CELF4: variants seen among roughly 807,000 people sequenced by gnomAD.
CELF4 encodes CUGBP Elav-like family member 4, also known as CUG-BP- and ETR-3-like factor 4.
A neutral mutation model predicts 59.9 loss-of-function variants in CELF4; 18 were observed. That is an observed-to-expected ratio of 0.30 (90% CI 0.21 to 0.45). The LOEUF (loss-of-function observed/expected upper bound fraction) is 0.45, where lower values mean the gene tolerates loss of function less well. Among genes scored for constraint, CELF4 ranks in the 20% least tolerant of loss-of-function variants. CELF4 has a pLI of 1.00. For synonymous variants in CELF4, 261 were observed against 267.1 expected (o/e 0.98, Z 0.22); for missense variants, 456 against 689.0 (o/e 0.66, Z 3.79).
chr18:37,537,914 T>C (rs1349135618), intron 1 of CELF4, among the ~76,000 whole-genome samples: 2 of 152,218 alleles, frequency 1.3e-5, no homozygotes, highest in African/African-American at 4.8e-5. Flanking sequence ...CCCGACCTGG[T>C]GTCCCATCAT....
At chr18:37,265,538 G>A (rs900075067) in intron 9 of CELF4, among the ~76,000 whole-genome samples, 1 of 152,192 alleles carries the variant, frequency 6.6e-6, no homozygotes, top group Admixed American at 6.5e-5. Flanking sequence ...CCTGAGGTGT[G>A]GACTTGGCCT....
intron 10 of CELF4, among the ~76,000 whole-genome samples, chr18:37,259,499 C>T (rs1366389230): frequency 6.6e-6 from 1 of 152,206 alleles, no homozygotes; most frequent in Non-Finnish European, 1.5e-5. Flanking sequence ...CCTCTCTGTG[C>T]CTCAGTTGCC....
At chr18:37,560,796 G>GA (rs561716637) in intron 1 of CELF4, among the ~76,000 whole-genome samples, 1 of 152,100 alleles carries the variant, frequency 6.6e-6, no homozygotes, top group Non-Finnish European at 1.5e-5. Context: ...TCTACAGCAG[G>GA]AAAAAAACAC....
intron 2 of CELF4, among the ~76,000 whole-genome samples, chr18:37,463,659 G>T (rs1374786446): frequency 1.3e-5 from 2 of 152,048 alleles, no homozygotes; most frequent in Admixed American, 1.3e-4. Context: ...TCACCCAGTT[G>T]GGCCTGAGAT....
intron 3 of CELF4, among the ~76,000 whole-genome samples, chr18:37,283,837 G>C (rs1054633666): frequency 1.7e-4 from 23 of 134,566 alleles, no homozygotes; most frequent in Admixed American, 1.2e-3. Flanking sequence ...GGCAAGGGGT[G>C]GGCACTGCGG....
At chr18:37,441,934 G>A (rs970809459) in intron 2 of CELF4, among the ~76,000 whole-genome samples, 20 of 151,506 alleles carry the variant, frequency 1.3e-4, no homozygotes, top group Admixed American at 9.2e-4. Context: ...CACCGAAACC[G>A]CAAAGACCCT....
intron 8 of CELF4, among the ~76,000 whole-genome samples, chr18:37,267,679 A>C (rs933427590): frequency 6.6e-6 from 1 of 152,160 alleles, no homozygotes; most frequent in Non-Finnish European, 1.5e-5. Flanking sequence ...TAGTCTAGGG[A>C]GAGTGCCTCA....
rs143252735 is a variant in CELF4, at chr18:37,423,933, A to T, written c.369+61592T>A. ...CTGTACACCATGCCATCTCTTCCTC[A>T]TCTCTGAGTTTCTTCCTTATCCACC... On this transcript the variant is annotated intron_variant, in intron 2 of 12. Coordinates refer to ENST00000420428, the MANE Select transcript of CELF4 (RefSeq NM_020180.4). 5.0e-3 allele frequency among the ~76,000 whole-genome samples: 762 copies of T among 151,712 alleles called. 3 individuals carry two copies. Among genetic ancestry groups the T allele is most frequent in the Non-Finnish European group, 9.0e-3 (613 of 67,916 alleles).
chr18:37,451,340 T>C (rs1203299943), intron 2 of CELF4, among the ~76,000 whole-genome samples: 1 of 152,032 alleles, frequency 6.6e-6, no homozygotes, highest in African/African-American at 2.4e-5. Flanking sequence ...ACGTGTGTGC[T>C]TCTGTGTGTC....
chr18:37,549,626 T>C (rs2154605791), intron 1 of CELF4, among the ~76,000 whole-genome samples: 1 of 152,304 alleles, frequency 6.6e-6, no homozygotes, highest in South Asian at 2.1e-4. Context: ...AAAAAAGGTA[T>C]CAACTGTACC....
At position 37,430,896 on chromosome 18, in the gene CELF4, G is replaced by A. The variant is rs2099645550; in HGVS notation, c.369+54629C>T. Among the ~76,000 whole-genome samples, 4 of 152,208 alleles carry A rather than the reference G, an allele frequency of 2.6e-5. 1 individual carries two copies. The South Asian group carries it at 8.3e-4, about 32-fold the overall frequency. On this transcript the variant is annotated intron_variant, in intron 2 of 12. Coordinates refer to ENST00000420428, the MANE Select transcript of CELF4 (RefSeq NM_020180.4). Reference sequence around the variant, plus strand: ...CACTTGGTCTGGAGGTGGCGCTGGTGCTTTTTATAGCTGTAGGTGTCTCTG... The same window carrying A: ...CACTTGGTCTGGAGGTGGCGCTGGTACTTTTTATAGCTGTAGGTGTCTCTG...
At chr18:37,561,611 T>A (rs991182793) in intron 1 of CELF4, among the ~76,000 whole-genome samples, 1 of 152,182 alleles carries the variant, frequency 6.6e-6, no homozygotes, top group Non-Finnish European at 1.5e-5. Flanking sequence ...TTTATGTGAG[T>A]GTTAACAAGC....
At chr18:37,411,750 G>GCT (rs2099461750) in intron 2 of CELF4, among the ~76,000 whole-genome samples, 3 of 152,346 alleles carry the variant, frequency 2.0e-5, no homozygotes, top group Admixed American at 6.5e-5. Flanking sequence ...TTATCGAGAA[G>GCT]GGCAGTGGCA....
At chr18:37,267,955 T>C (rs1286009279) in intron 8 of CELF4, among the ~76,000 whole-genome samples, 1 of 152,148 alleles carries the variant, frequency 6.6e-6, no homozygotes, top group Non-Finnish European at 1.5e-5. Context: ...GAGAATCACT[T>C]GAACCCGGGA....
chr18:37,275,025 C>T (rs994811680), intron 4 of CELF4, 90 bp downstream of exon 4: 2 of 1,548,994 alleles, frequency 1.3e-6, no homozygotes, highest in African/African-American at 2.7e-5. Flanking sequence ...AGACAGACGG[C>T]GATGGCCCCG....
chr18:37,553,866 A>G (rs766391328), intron 1 of CELF4, among the ~76,000 whole-genome samples: 2 of 152,186 alleles, frequency 1.3e-5, no homozygotes, highest in Non-Finnish European at 2.9e-5. Context: ...TGGGCACTTC[A>G]GACTGGGGCC....
At position 37,372,181 on chromosome 18, in the gene CELF4, C is replaced by T. The variant is rs555639992; in HGVS notation, c.370-50300G>A. ...ATGCTCCTATAAAGACACGTGCACACGTATGTTTATTGCGGCACTATTCAC... is the reference window on the plus strand; with the variant it reads ...ATGCTCCTATAAAGACACGTGCACATGTATGTTTATTGCGGCACTATTCAC... On this transcript the variant is annotated intron_variant, in intron 2 of 12. Transcript: ENST00000420428. Among the ~76,000 whole-genome samples the T allele has an allele frequency of 1.3e-4, 20 of 152,252 alleles. No individual in the cohort carries two copies. In the East Asian group the frequency reaches 2.3e-3, roughly 18 times the overall value.
At chr18:37,379,507 C>CAAAAAAAAAAAAA (rs56250210) in intron 2 of CELF4, among the ~76,000 whole-genome samples, 6 of 45,712 alleles carry the variant, frequency 1.3e-4, no homozygotes, top group African/African-American at 4.7e-4. Context: ...AGGCCATAAG[C>CAAAAAAAAAAAAA]AAAAAAAAAA....
intron 2 of CELF4, among the ~76,000 whole-genome samples, chr18:37,364,273 T>C (rs994804830): frequency 5.3e-5 from 8 of 152,172 alleles, no homozygotes; most frequent in Non-Finnish European, 5.9e-5. Flanking sequence ...TTTACAGACA[T>C]AATGTTCTTG....
Sources: allele counts gnomAD v4.1 joint callset (sites outside exome capture counted in the v4.1 genomes callset), GRCh38; gene constraint gnomAD v4.1.1; transcripts MANE v1.5; gene names NCBI Gene and HGNC (gene_info 2026-07-23, HGNC 2026-07-21).